The following SULF1 variants were observed in gnomAD, a reference collection of about 807,000 sequenced individuals.
SULF1 encodes the protein sulfatase 1, also known as extracellular sulfatase Sulf-1.
In SULF1, 46 loss-of-function variants were observed where a neutral mutation model predicts 110.5. The ratio of observed to expected loss-of-function variants is 0.42; its 90% CI spans 0.33 to 0.53. The LOEUF is 0.53. SULF1 is among the 20% of genes least tolerant of loss of function. SULF1 has a pLI of 0.12. For synonymous variants in SULF1, 371 were observed against 387.1 expected (o/e 0.96, Z 0.49); for missense variants, 941 against 1,094.2 (o/e 0.86, Z 1.98).
rs370806055 is a variant in SULF1, at chr8:69,624,129, C to G, written c.1782C>G (p.Asn594Lys). The change falls in exon 15 of 23, where the codon AAC (asparagine) becomes AAG (lysine). Residue 594 changes from asparagine (N) to lysine (K), a missense_variant. Physicochemically the swap from Asn to Lys is moderately conservative, Grantham distance 94. This residue lies in a region of SULF1 where 822 missense variants were observed against 934.3 expected (regional missense o/e 0.88). Transcript: ENST00000402687. ...ATCTCCAGGCTTCCAGTGGTGGCAA[C>G]AGGGGCAGGATGCTGGCAGATAGCA... is the stretch of plus-strand genomic sequence containing the variant. ...PRDLQASSGG[N>K]RGRMLADSSN... 1.2e-6 allele frequency: 2 copies of G among 1,613,558 alleles called. No homozygotes were observed. The highest frequency in any genetic ancestry group is 1.3e-5 in the African/African-American group (1 of 75,046).
At chr8:69,507,122 A>T (rs1332381752) in intron 3 of SULF1, among the ~76,000 whole-genome samples, 1 of 152,202 alleles carries the variant, frequency 6.6e-6, no homozygotes, top group Non-Finnish European at 1.5e-5. Flanking sequence ...ACAGTTTAGG[A>T]TAGAAAAAGT....
At chr8:69,573,416 C>CTA (rs1805383750) in intron 5 of SULF1, among the ~76,000 whole-genome samples, 1 of 152,104 alleles carries the variant, frequency 6.6e-6, no homozygotes, top group Non-Finnish European at 1.5e-5. Context: ...TACCTCGGTC[C>CTA]CATATTTGTA....
rs561846211 is a variant in SULF1, at chr8:69,611,020, C to T, written c.1377+6088C>T. On this transcript the variant is annotated intron_variant, in intron 13 of 22. Transcript: ENST00000402687. ...CCTGAAGACTCATACTGCCTTCGTA[C>T]CATTCTCCTTTTCATCAGTATCCTG... Among the ~76,000 whole-genome samples the T allele has an allele frequency of 2.6e-5, 4 of 152,362 alleles. 1 individual carries two copies. In the East Asian group the frequency reaches 7.7e-4, roughly 29 times the overall value.
intron 3 of SULF1, among the ~76,000 whole-genome samples, chr8:69,556,516 A>G (rs1815127873): frequency 6.6e-6 from 1 of 152,226 alleles, no homozygotes. Context: ...ATGAGTGACA[A>G]ATATGCTTTT....
chr8:69,532,036 T>C (rs905737686), intron 3 of SULF1, among the ~76,000 whole-genome samples: 2 of 152,180 alleles, frequency 1.3e-5, no homozygotes, highest in Admixed American at 1.3e-4. Context: ...CTAGCTTTGC[T>C]AAGACTGCAA....
At chr8:69,552,050 G>A (rs1179291518) in intron 3 of SULF1, among the ~76,000 whole-genome samples, 1 of 152,122 alleles carries the variant, frequency 6.6e-6, no homozygotes, top group African/African-American at 2.4e-5. Context: ...TGAGATCGCC[G>A]CCACTGCACT....
chr8:69,660,572 C>G lies in SULF1; in HGVS notation c.*2037C>G, dbSNP rs1229363622. 1 of 152,530 alleles carries G rather than the reference C, an allele frequency of 6.6e-6. No individual in the cohort carries two copies. The highest frequency in any genetic ancestry group is 1.5e-5 in the Non-Finnish European group (1 of 68,022). The allele number at this position is 152,530 out of a possible 1,614,324, so 9.4% of individuals were successfully genotyped here. A position where few individuals can be genotyped will look rare whatever the true frequency, so the allele number is the denominator to read the frequency against. ...TTCTTATTTTTAGATAATTCAAGTGCTTAGATAAATTATGTTTTCTTTAAG... is the reference window on the plus strand; with the variant it reads ...TTCTTATTTTTAGATAATTCAAGTGGTTAGATAAATTATGTTTTCTTTAAG... On this transcript the variant is annotated 3_prime_UTR_variant, in exon 23 of 23. Coordinates refer to ENST00000402687, the MANE Select transcript of SULF1 (RefSeq NM_001128205.2).
chr8:69,643,291 C>T (rs1811631452), intron 22 of SULF1, among the ~76,000 whole-genome samples: 1 of 152,052 alleles, frequency 6.6e-6, no homozygotes, highest in African/African-American at 2.4e-5. Context: ...CAAGTATGTA[C>T]AGAAATGCCA....
intron 3 of SULF1, among the ~76,000 whole-genome samples, chr8:69,548,455 T>C (rs1814440724): frequency 6.6e-6 from 1 of 151,590 alleles, no homozygotes; most frequent in South Asian, 2.1e-4. Context: ...TAACTTTTTT[T>C]TTTTTTTTTT....
chr8:69,525,317 G>A (rs964741545), intron 3 of SULF1, among the ~76,000 whole-genome samples: 2 of 151,900 alleles, frequency 1.3e-5, no homozygotes, highest in East Asian at 1.9e-4. Context: ...TTCCAATTTT[G>A]TAGTGAAACA....
At chr8:69,508,500 T>A (rs1811347163) in intron 3 of SULF1, among the ~76,000 whole-genome samples, 1 of 152,222 alleles carries the variant, frequency 6.6e-6, no homozygotes, top group Non-Finnish European at 1.5e-5. Flanking sequence ...GTGCTTAATA[T>A]TCTTTTCTAT....
chr8:69,616,775 AC>A (rs1489769656), intron 13 of SULF1, among the ~76,000 whole-genome samples: 1 of 142,680 alleles, frequency 7.0e-6, no homozygotes, highest in Non-Finnish European at 1.5e-5. Context: ...CTGGTCTTGA[AC>A]CCCTGACCTC....
intron 5 of SULF1, among the ~76,000 whole-genome samples, chr8:69,565,046 G>A (rs1169951889): frequency 1.3e-5 from 2 of 152,186 alleles, no homozygotes; most frequent in African/African-American, 4.8e-5. Flanking sequence ...TCAGGTTCTT[G>A]AGGATAAAAC....
In SULF1 at chr8:69,532,040, A is replaced by G. The variant is rs1237777857; in HGVS notation, c.-134+30072A>G. 2.0e-5 allele frequency among the ~76,000 whole-genome samples: 3 copies of G among 152,176 alleles called. No homozygotes were observed. In the East Asian group the frequency reaches 5.8e-4, roughly 29 times the overall value. On this transcript the variant is annotated intron_variant, in intron 3 of 22. Coordinates refer to ENST00000402687, the MANE Select transcript of SULF1 (RefSeq NM_001128205.2). ...TGGGATAATTTCTAGCTTTGCTAAG[A>G]CTGCAAGAGGAACAAGTGAGGGGTT...
intron 19 of SULF1, among the ~76,000 whole-genome samples, chr8:69,632,165 G>A (rs778245265): frequency 1.5e-4 from 23 of 152,324 alleles, no homozygotes; most frequent in South Asian, 6.2e-4. Flanking sequence ...TGAGGAACGT[G>A]CCTGCCATCA....
intron 3 of SULF1, among the ~76,000 whole-genome samples, chr8:69,560,747 T>C (rs542966241): frequency 1.3e-5 from 2 of 152,334 alleles, no homozygotes; most frequent in East Asian, 3.9e-4. Context: ...CTTTTCCTTC[T>C]AGAGCTGGAA....
intron 3 of SULF1, among the ~76,000 whole-genome samples, chr8:69,518,948 TC>T (rs1812110649): frequency 6.6e-6 from 1 of 152,172 alleles, no homozygotes; most frequent in Admixed American, 6.5e-5. Context: ...TCACTTCACT[TC>T]CCCAAACACA....
intron 3 of SULF1, among the ~76,000 whole-genome samples, chr8:69,538,449 G>A (rs748210260): frequency 6.6e-6 from 1 of 152,006 alleles, no homozygotes; most frequent in Non-Finnish European, 1.5e-5. Flanking sequence ...CACTAAGGCC[G>A]GGCCCCTTTC....
intron 13 of SULF1, among the ~76,000 whole-genome samples, chr8:69,609,219 G>C (rs2130456179): frequency 6.6e-6 from 1 of 152,264 alleles, no homozygotes; most frequent in African/African-American, 2.4e-5. Context: ...GGTGGTGTGT[G>C]CCTGCAGTAC....
Sources: gnomAD v4.1 joint callset for allele counts (sites outside exome capture counted in the v4.1 genomes callset) on GRCh38, gnomAD v4.1.1 for gene constraint, gnomAD v4.1.1 regional missense constraint, MANE v1.5 for transcripts, NCBI Gene and HGNC (gene_info 2026-07-23, HGNC 2026-07-21) for gene names.